The following PPFIA2 variants were observed in gnomAD, a reference collection of about 807,000 sequenced individuals.
PPFIA2 encodes the protein liprin-alpha-2.
In PPFIA2, 46 loss-of-function variants were observed where a neutral mutation model predicts 175.5. The ratio of observed to expected loss-of-function variants is 0.26; its 90% CI spans 0.21 to 0.34. PPFIA2 has a LOEUF of 0.34. Ranked by LOEUF, PPFIA2 falls within the 10% of genes least tolerant of loss-of-function variation. The pLI is 1.00. For synonymous variants in PPFIA2, 568 were observed against 511.4 expected (o/e 1.11, Z -1.49); for missense variants, 1,179 against 1,506.1 (o/e 0.78, Z 3.60).
At chr12:81,276,984 T>C (rs1422973478) in intron 28 of PPFIA2, among the ~76,000 whole-genome samples, 1 of 152,186 alleles carries the variant, frequency 6.6e-6, no homozygotes, top group African/African-American at 2.4e-5. Context: ...TTTCTCTGAA[T>C]CATACTGAGA....
chr12:81,479,973 G>C (rs1443958850), intron 4 of PPFIA2, among the ~76,000 whole-genome samples: 1 of 152,130 alleles, frequency 6.6e-6, no homozygotes, highest in Non-Finnish European at 1.5e-5. Flanking sequence ...GGTTGGGGAA[G>C]TTCTCCTGGA....
At chr12:81,634,804 G>A (rs1165249302) in intron 4 of PPFIA2, among the ~76,000 whole-genome samples, 1 of 151,770 alleles carries the variant, frequency 6.6e-6, no homozygotes, top group Non-Finnish European at 1.5e-5. Flanking sequence ...ACCCTTGCTT[G>A]TTTTTTTCTT....
At chr12:81,726,377 A>G (rs778841224) in intron 3 of PPFIA2, among the ~76,000 whole-genome samples, 9 of 151,244 alleles carry the variant, frequency 6.0e-5, no homozygotes, top group Non-Finnish European at 1.0e-4. Context: ...CTCATCAGCT[A>G]CCACCTGTTC....
At chr12:81,294,604 G>T (rs2046032671) in intron 24 of PPFIA2, 1 of 533,602 alleles carries the variant, frequency 1.9e-6, no homozygotes, top group African/African-American at 1.9e-5. Flanking sequence ...CTAAACTTCA[G>T]ATGCTAGCTC....
chr12:81,304,574 C>T (rs2048682848), intron 22 of PPFIA2, among the ~76,000 whole-genome samples: 4 of 152,056 alleles, frequency 2.6e-5, no homozygotes, highest in Admixed American at 2.6e-4. Context: ...TGAGTAGAAA[C>T]ATGTACGTTG....
At chr12:81,745,071 A>G (rs972162098) in intron 3 of PPFIA2, among the ~76,000 whole-genome samples, 2 of 152,242 alleles carry the variant, frequency 1.3e-5, no homozygotes, top group Non-Finnish European at 2.9e-5. Context: ...CCTCAGGTTA[A>G]GAAATTAATA....
At position 81,384,175 on chromosome 12, in the gene PPFIA2, C is replaced by T. The variant is rs1227876982; in HGVS notation, c.832G>A (p.Glu278Lys). ...SQIVELQELL[E>K]KQNYEMAQMK... is the part of the protein sequence containing the mutation. ...TGGGCCATTTCATAGTTTTGCTTTTCAAGCAATTCTTGTAGTTCAACTATT... is the reference window on the plus strand; with the variant it reads ...TGGGCCATTTCATAGTTTTGCTTTTTAAGCAATTCTTGTAGTTCAACTATT... The change falls in exon 9 of 33, where the codon GAA becomes AAA. Residue 278 changes from glutamate (E) to lysine (K), a missense_variant. This residue lies in a region of PPFIA2 where 226 missense variants were observed against 216.6 expected (regional missense o/e 1.04). Coordinates refer to ENST00000549396, the MANE Select transcript of PPFIA2 (RefSeq NM_003625.5). The T allele has an allele frequency of 1.2e-6, 2 of 1,610,986 alleles. No individual in the cohort carries two copies. The highest frequency in any genetic ancestry group is 1.1e-5 in the South Asian group (1 of 90,840).
intron 7 of PPFIA2, among the ~76,000 whole-genome samples, chr12:81,422,891 C>A (rs2046532284): frequency 6.6e-6 from 1 of 151,920 alleles, no homozygotes; most frequent in Non-Finnish European, 1.5e-5. Context: ...GCTTTCTGCC[C>A]CTGGTTCCCA....
chr12:81,387,449 A>G (rs2039230284), intron 8 of PPFIA2, among the ~76,000 whole-genome samples: 1 of 152,158 alleles, frequency 6.6e-6, no homozygotes, highest in South Asian at 2.1e-4. Flanking sequence ...TGAGAAAGAT[A>G]AAACACAGAG....
At chr12:81,290,184 C>G (rs376341556) in intron 24 of PPFIA2, among the ~76,000 whole-genome samples, 1 of 151,452 alleles carries the variant, frequency 6.6e-6, no homozygotes, top group Non-Finnish European at 1.5e-5. Context: ...AAGCCCAAAC[C>G]TCAGTGTGCA....
intron 11 of PPFIA2, among the ~76,000 whole-genome samples, chr12:81,373,480 G>T (rs2141636193): frequency 6.6e-6 from 1 of 151,988 alleles, no homozygotes; most frequent in Non-Finnish European, 1.5e-5. Context: ...TCCTGAAATT[G>T]CCAGAGTGGT....
In PPFIA2 at chr12:81,280,322, C is replaced by T. The variant is rs201265861; in HGVS notation, c.3212+935G>A. On this transcript the variant is annotated intron_variant, in intron 27 of 32. Transcript: ENST00000549396. ...TTTTAAAAAACACTGTTATATTTAT[C>T]TTTACCACATTTAATTCAACAGTGT... Among the ~76,000 whole-genome samples, 91 of 152,228 alleles carry T rather than the reference C, an allele frequency of 6.0e-4. 1 individual carries two copies. In the East Asian group the frequency reaches 8.9e-3, roughly 15 times the overall value.
At chr12:81,486,456 T>A (rs1209466759) in intron 4 of PPFIA2, among the ~76,000 whole-genome samples, 1 of 151,904 alleles carries the variant, frequency 6.6e-6, no homozygotes, top group Non-Finnish European at 1.5e-5. Context: ...TTTAAAAACA[T>A]AGTATTTCTA....
intron 4 of PPFIA2, among the ~76,000 whole-genome samples, chr12:81,560,380 G>T (rs2069794481): frequency 6.6e-6 from 1 of 151,992 alleles, no homozygotes; most frequent in Non-Finnish European, 1.5e-5. Flanking sequence ...AAGGTGGAAG[G>T]TAATCATATG....
chr12:81,624,484 T>C (rs1192658864), intron 4 of PPFIA2, among the ~76,000 whole-genome samples: 6 of 146,958 alleles, frequency 4.1e-5, no homozygotes. Flanking sequence ...ATATATATCA[T>C]ACATTAATGA....
At chr12:81,613,325 C>T (rs1185357929) in intron 4 of PPFIA2, among the ~76,000 whole-genome samples, 1 of 152,014 alleles carries the variant, frequency 6.6e-6, no homozygotes, top group Admixed American at 6.6e-5. Context: ...CAATTTGGGG[C>T]CCACTCTATG....
At chr12:81,372,433 A>ACTGTCACCTTTTTTTCTTCTTTTTTCTAG (rs2035361339) in intron 11 of PPFIA2, among the ~76,000 whole-genome samples, 1 of 150,214 alleles carries the variant, frequency 6.7e-6, no homozygotes, top group Non-Finnish European at 1.5e-5. Flanking sequence ...TTTTTACTTT[A>ACTGTCACCTTTTTTTCTTCTTTTTTCTAG]GTGAGTAGTC....
At chr12:81,636,812 C>T (rs1320515089) in intron 4 of PPFIA2, among the ~76,000 whole-genome samples, 2 of 151,810 alleles carry the variant, frequency 1.3e-5, no homozygotes, top group African/African-American at 4.8e-5. Flanking sequence ...ACCACCACGC[C>T]CAAGTAAATT....
intron 15 of PPFIA2, among the ~76,000 whole-genome samples, chr12:81,358,547 T>C (rs931837027): frequency 1.3e-5 from 2 of 152,190 alleles, no homozygotes; most frequent in Non-Finnish European, 2.9e-5. Flanking sequence ...GGTTAAATTC[T>C]GGCAATTTAG....
Sources: gnomAD v4.1 joint callset for allele counts (sites outside exome capture counted in the v4.1 genomes callset) on GRCh38, gnomAD v4.1.1 for gene constraint, gnomAD v4.1.1 regional missense constraint, MANE v1.5 for transcripts, NCBI Gene and HGNC (gene_info 2026-07-23, HGNC 2026-07-21) for gene names.